Variants in CNTN6 observed in about 807,000 individuals in gnomAD.
CNTN6 encodes the protein contactin-6.
In CNTN6, 137 loss-of-function variants were observed where a neutral mutation model predicts 122.8. That is an observed-to-expected ratio of 1.12 (90% CI 0.97 to 1.29). The LOEUF is 1.29. CNTN6 is among the 50% of genes most tolerant of loss of function. The probability of loss-of-function intolerance (pLI) is 0.00; values close to 1 mark genes in which losing one functional copy is unlikely to be tolerated. For synonymous variants in CNTN6, 570 were observed against 426.0 expected (o/e 1.34, Z -4.16); for missense variants, 1,634 against 1,223.4 (o/e 1.34, Z -5.01).
intron 4 of CNTN6, among the ~76,000 whole-genome samples, chr3:1,256,594 A>C (rs2125690529): frequency 6.6e-6 from 1 of 152,298 alleles, no homozygotes. Context: ...AATTATCTAC[A>C]TATAAATGTT....
chr3:1,167,534 C>A (rs1402183926), intron 2 of CNTN6, among the ~76,000 whole-genome samples: 1 of 152,178 alleles, frequency 6.6e-6, no homozygotes, highest in Non-Finnish European at 1.5e-5. Context: ...ATGATCATCA[C>A]AAACAGCCAT....
At position 1,158,757 on chromosome 3, in the gene CNTN6, T is replaced by C. The variant is rs149041621; in HGVS notation, c.55+10694T>C. 2.6e-3 allele frequency among the ~76,000 whole-genome samples: 336 copies of C among 130,310 alleles called. 4 individuals are homozygous for C. Among genetic ancestry groups the C allele is most frequent in the African/African-American group, 7.7e-3 (279 of 36,198 alleles). 85.5% of individuals were successfully genotyped at this position (130,310 alleles called of 152,430 possible). The stretch of plus-strand genomic sequence containing the variant: ...CTGGCTAATTTTATATATATATACA[T>C]ATATATACACACATATATATGTGTG... On this transcript the variant is annotated intron_variant, in intron 2 of 22. Coordinates refer to ENST00000446702, the MANE Select transcript of CNTN6 (RefSeq NM_001289080.2).
chr3:1,135,729 C>T (rs535555565), intron 1 of CNTN6, among the ~76,000 whole-genome samples: 15 of 152,274 alleles, frequency 9.9e-5, no homozygotes, highest in African/African-American at 2.6e-4. Context: ...CAGTGGCTCA[C>T]GCCTGTAATC....
chr3:1,306,820 C>T (rs750317822), intron 7 of CNTN6, among the ~76,000 whole-genome samples: 7 of 152,006 alleles, frequency 4.6e-5, no homozygotes, highest in Non-Finnish European at 8.8e-5. Context: ...TAAGAAGGAG[C>T]GAAGTGGTTT....
chr3:1,347,618 A>G (rs1010133650), intron 11 of CNTN6, among the ~76,000 whole-genome samples: 3 of 152,154 alleles, frequency 2.0e-5, no homozygotes, highest in Admixed American at 6.6e-5. Flanking sequence ...ATTAGGCATG[A>G]GCAACAAACA....
chr3:1,254,426 CTTCGT>C (rs2094720097), intron 4 of CNTN6, among the ~76,000 whole-genome samples: 1 of 152,168 alleles, frequency 6.6e-6, no homozygotes, highest in African/African-American at 2.4e-5. Context: ...AAGAAGTTTA[CTTCGT>C]TTCAACGAAG....
At chr3:1,181,223 A>C (rs1376603444) in intron 2 of CNTN6, among the ~76,000 whole-genome samples, 2 of 152,166 alleles carry the variant, frequency 1.3e-5, no homozygotes, top group East Asian at 3.8e-4. Flanking sequence ...AAGATCATTG[A>C]AGGTGACCTG....
intron 2 of CNTN6, among the ~76,000 whole-genome samples, chr3:1,218,619 A>G (rs1256002530): frequency 1.3e-5 from 2 of 152,124 alleles, no homozygotes; most frequent in Non-Finnish European, 2.9e-5. Context: ...CAAATGCATA[A>G]ATATGTCAAA....
chr3:1,403,476 C>A lies in CNTN6; in HGVS notation c.*58C>A. 1 of 1,039,002 alleles carries A rather than the reference C, an allele frequency of 9.6e-7. No individual in the cohort carries two copies. Among genetic ancestry groups the A allele is most frequent in the Non-Finnish European group, 1.5e-6 (1 of 677,692 alleles). The allele number at this position is 1,039,002 out of a possible 1,614,324, so 64.4% of individuals were successfully genotyped here. A position where few individuals can be genotyped will look rare whatever the true frequency, so the allele number is the denominator to read the frequency against. ...GAAAGCAAATCATTCTGTATATATG[C>A]TCTCCAGCCTCTGACACAAGATGCG... is the stretch of plus-strand genomic sequence containing the variant. On this transcript the variant is annotated 3_prime_UTR_variant, in exon 23 of 23. Coordinates refer to ENST00000446702, the MANE Select transcript of CNTN6 (RefSeq NM_001289080.2).
At chr3:1,164,334 C>T (rs2093199332) in intron 2 of CNTN6, among the ~76,000 whole-genome samples, 1 of 152,234 alleles carries the variant, frequency 6.6e-6, no homozygotes. Context: ...ACCACCTGCT[C>T]CAGTGCCCAA....
chr3:1,313,293 G>A (rs546377175), intron 7 of CNTN6, among the ~76,000 whole-genome samples: 1 of 152,190 alleles, frequency 6.6e-6, no homozygotes, highest in South Asian at 2.1e-4. Flanking sequence ...TGTTTCATGT[G>A]CAGATTAGTA....
chr3:1,102,456 C>A (rs551946702), intron 1 of CNTN6, among the ~76,000 whole-genome samples: 3 of 152,228 alleles, frequency 2.0e-5, no homozygotes, highest in Non-Finnish European at 2.9e-5. Flanking sequence ...TCCTGCCGGG[C>A]GCGGTGGCTC....
intron 20 of CNTN6, among the ~76,000 whole-genome samples, chr3:1,391,908 A>T (rs1158263650): frequency 2.6e-5 from 4 of 152,204 alleles, no homozygotes; most frequent in African/African-American, 9.7e-5. Flanking sequence ...ATAAAAGAGG[A>T]TACAAACAAA....
chr3:1,154,366 C>T (rs1478135654), intron 2 of CNTN6, among the ~76,000 whole-genome samples: 1 of 151,878 alleles, frequency 6.6e-6, no homozygotes, highest in African/African-American at 2.4e-5. Flanking sequence ...CATATTTTCA[C>T]TTTAAGGGTA....
At chr3:1,251,872 T>C (rs1439457605) in intron 4 of CNTN6, among the ~76,000 whole-genome samples, 1 of 152,180 alleles carries the variant, frequency 6.6e-6, no homozygotes, top group Non-Finnish European at 1.5e-5. Flanking sequence ...TGATACTTAG[T>C]TCTGATTCAG....
intron 1 of CNTN6, among the ~76,000 whole-genome samples, chr3:1,116,412 T>C (rs1301316165): frequency 6.6e-6 from 1 of 152,166 alleles, no homozygotes; most frequent in Non-Finnish European, 1.5e-5. Flanking sequence ...AAACCTCTTC[T>C]GTAGATGCCA....
intron 2 of CNTN6, among the ~76,000 whole-genome samples, chr3:1,192,144 C>T (rs2093710852): frequency 6.6e-6 from 1 of 152,132 alleles, no homozygotes; most frequent in African/African-American, 2.4e-5. Flanking sequence ...AATGGATAAG[C>T]TCATCTAGTG....
chr3:1,244,096 A>G (rs531523654), intron 4 of CNTN6, among the ~76,000 whole-genome samples: 2 of 152,300 alleles, frequency 1.3e-5, no homozygotes, highest in African/African-American at 4.8e-5. Context: ...TTTTCTGGCC[A>G]TTTAGAGCCA....
At chr3:1,270,994 C>G (rs2125754099) in intron 4 of CNTN6, among the ~76,000 whole-genome samples, 1 of 152,322 alleles carries the variant, frequency 6.6e-6, no homozygotes, top group Middle Eastern at 3.4e-3. Flanking sequence ...ACTGCAACCT[C>G]TGCTTCCTGA....
Sources: allele counts gnomAD v4.1 joint callset (sites outside exome capture counted in the v4.1 genomes callset), GRCh38; gene constraint gnomAD v4.1.1; transcripts MANE v1.5; gene names NCBI Gene and HGNC (gene_info 2026-07-23, HGNC 2026-07-21).